Variants in SSBP3 observed in about 807,000 individuals in gnomAD.
SSBP3 encodes single stranded DNA binding protein 3.
A neutral mutation model predicts 69.6 loss-of-function variants in SSBP3; 5 were observed. That is an observed-to-expected ratio of 0.07 (90% CI 0.04 to 0.15). The LOEUF is 0.15. Among genes scored for constraint, SSBP3 ranks in the 10% least tolerant of loss-of-function variants. The probability of loss-of-function intolerance (pLI) is 1.00; values close to 1 mark genes in which losing one functional copy is unlikely to be tolerated. For missense variants in SSBP3, 312 were observed against 534.0 expected, an observed-to-expected ratio of 0.58 and a Z score of 4.10; for synonymous variants, 196 against 193.4, an observed-to-expected ratio of 1.01 and a Z score of -0.11.
intron 4 of SSBP3, among the ~76,000 whole-genome samples, chr1:54,343,069 C>T (rs957721645): frequency 2.0e-5 from 3 of 152,184 alleles, no homozygotes; most frequent in African/African-American, 7.2e-5. Flanking sequence ...GGCGGATCTG[C>T]GCTCGCCTCC....
At chr1:54,411,635 G>C (rs1010074866) in intron 1 of SSBP3, among the ~76,000 whole-genome samples, 1 of 152,050 alleles carries the variant, frequency 6.6e-6, no homozygotes, top group Admixed American at 6.5e-5. Flanking sequence ...GTTCACGCCT[G>C]TAATCCCGGC....
At chr1:54,237,176 G>A (rs949886378) in intron 14 of SSBP3, 1 of 152,148 alleles carries the variant, frequency 6.6e-6, no homozygotes, top group African/African-American at 2.4e-5. Context: ...AGCCCTTGAC[G>A]CACTCGGAAG....
intron 7 of SSBP3, among the ~76,000 whole-genome samples, chr1:54,255,161 G>T (rs920181051): frequency 1.5e-5 from 2 of 137,526 alleles, no homozygotes; most frequent in South Asian, 2.6e-4. Context: ...GGGGGGGCGG[G>T]GGGGGGGGTG....
chr1:54,263,838 G>A (rs4927078), intron 5 of SSBP3, among the ~76,000 whole-genome samples: 63,033 of 152,104 alleles, frequency 0.41, 13,240 homozygotes, highest in South Asian at 0.48. Context: ...GCAAGACCCA[G>A]CAAGCCCCGG....
chr1:54,397,225 G>C (rs988457262), intron 4 of SSBP3, among the ~76,000 whole-genome samples: 1 of 152,222 alleles, frequency 6.6e-6, no homozygotes, highest in African/African-American at 2.4e-5. Context: ...TTGCAGCCCA[G>C]CTGCAGGCCT....
intron 7 of SSBP3, among the ~76,000 whole-genome samples, chr1:54,254,821 CT>C (rs925861679): frequency 1.3e-5 from 2 of 152,094 alleles, no homozygotes; most frequent in African/African-American, 2.4e-5. Flanking sequence ...GTGTGGATTT[CT>C]TTTTTTATCT....
chr1:54,310,121 G>A (rs911712640), intron 4 of SSBP3, among the ~76,000 whole-genome samples: 1 of 152,202 alleles, frequency 6.6e-6, no homozygotes, highest in Non-Finnish European at 1.5e-5. Flanking sequence ...CAGGGAGCAT[G>A]TCCCGAGCAG....
chr1:54,279,445 T>C (rs1645351822), intron 5 of SSBP3, among the ~76,000 whole-genome samples: 1 of 152,248 alleles, frequency 6.6e-6, no homozygotes, highest in African/African-American at 2.4e-5. Flanking sequence ...AGCCTTGTCC[T>C]AGACCCAGGC....
chr1:54,333,295 T>C (rs1192202400), intron 4 of SSBP3, among the ~76,000 whole-genome samples: 1 of 152,176 alleles, frequency 6.6e-6, no homozygotes, highest in Non-Finnish European at 1.5e-5. Context: ...CTCTGCCTAT[T>C]CCTGGCCATT....
At chr1:54,294,142 C>CAAAAAAAAA (rs1223376233) in intron 4 of SSBP3, among the ~76,000 whole-genome samples, 1 of 41,514 alleles carries the variant, frequency 2.4e-5, no homozygotes, top group Non-Finnish European at 4.4e-5. Flanking sequence ...GACTCCATCT[C>CAAAAAAAAA]AAAAAAAAAA....
chr1:54,316,947 G>A (rs1164519589), intron 4 of SSBP3, among the ~76,000 whole-genome samples: 1 of 152,030 alleles, frequency 6.6e-6, no homozygotes. Flanking sequence ...TTTTAGGAGG[G>A]CACTCATTCC....
At chr1:54,232,064 A>T (rs906146279) in intron 14 of SSBP3, among the ~76,000 whole-genome samples, 1 of 152,174 alleles carries the variant, frequency 6.6e-6, no homozygotes, top group Admixed American at 6.5e-5. Context: ...CCACATGTGG[A>T]TATTCAGTTG....
chr1:54,301,754 C>T (rs191131917), intron 4 of SSBP3, among the ~76,000 whole-genome samples: 10 of 152,308 alleles, frequency 6.6e-5, no homozygotes, highest in Admixed American at 2.6e-4. Flanking sequence ...ACCCACCTGT[C>T]CGGCCGCCAC....
intron 4 of SSBP3, among the ~76,000 whole-genome samples, chr1:54,319,241 C>G (rs1319530288): frequency 6.6e-6 from 1 of 152,188 alleles, no homozygotes; most frequent in Non-Finnish European, 1.5e-5. Context: ...ACATCCTTCT[C>G]AAACAGCTTC....
chr1:54,412,461 C>T (rs143120166), intron 1 of SSBP3, among the ~76,000 whole-genome samples: 5 of 152,272 alleles, frequency 3.3e-5, no homozygotes, highest in East Asian at 3.9e-4. Context: ...AAATACTCTA[C>T]GATTCCGGTC....
At chr1:54,353,985 G>C (rs1026190785) in intron 4 of SSBP3, among the ~76,000 whole-genome samples, 3 of 152,172 alleles carry the variant, frequency 2.0e-5, no homozygotes, top group Non-Finnish European at 2.9e-5. Flanking sequence ...ACAGGGACTA[G>C]AAACCGAACT....
exon 8 of SSBP3, chr1:54,251,838 G>A: frequency 1.2e-5 from 20 of 1,611,866 alleles, no homozygotes; most frequent in Admixed American, 1.7e-5. Context: ...CAATGGCTGT[G>A]TCCCAGGAAC....
intron 5 of SSBP3, among the ~76,000 whole-genome samples, chr1:54,266,817 C>A (rs1169376348): frequency 6.6e-6 from 1 of 152,226 alleles, no homozygotes; most frequent in East Asian, 1.9e-4. Context: ...CACACCAACA[C>A]CCTCCATGCT....
intron 4 of SSBP3, among the ~76,000 whole-genome samples, chr1:54,368,513 A>G (rs924172245): frequency 1.3e-5 from 2 of 151,940 alleles, no homozygotes; most frequent in Non-Finnish European, 2.9e-5. Flanking sequence ...CTCACAACTC[A>G]TTACCTGCCT....
Sources: allele counts gnomAD v4.1 joint callset (sites outside exome capture counted in the v4.1 genomes callset), GRCh38; gene constraint gnomAD v4.1.1; transcripts MANE v1.5; gene names NCBI Gene and HGNC (gene_info 2026-07-23, HGNC 2026-07-21).